Variants in KCNIP4 observed in about 807,000 individuals in gnomAD.
The protein encoded by KCNIP4 is potassium voltage-gated channel interacting protein 4, also known as Kv channel-interacting protein 4.
A neutral mutation model predicts 34.0 loss-of-function variants in KCNIP4; 12 were observed. The ratio of observed to expected loss-of-function variants is 0.35; its 90% CI spans 0.23 to 0.57. KCNIP4 has a LOEUF of 0.57. Ranked by LOEUF, KCNIP4 falls within the 20% of genes least tolerant of loss-of-function variation. The pLI is 0.83. For missense variants in KCNIP4, 238 were observed against 311.7 expected (o/e 0.76, Z 1.78); for synonymous variants, 124 against 102.2 (o/e 1.21, Z -1.29).
At chr4:21,805,706 C>A (rs1361519270) in intron 1 of KCNIP4, among the ~76,000 whole-genome samples, 1 of 152,192 alleles carries the variant, frequency 6.6e-6, no homozygotes, top group East Asian at 1.9e-4. Context: ...ATGAATTTTC[C>A]CCTCTATGGA....
intron 1 of KCNIP4, among the ~76,000 whole-genome samples, chr4:21,136,484 T>A (rs1751508788): frequency 1.3e-5 from 2 of 152,162 alleles, no homozygotes; most frequent in African/African-American, 4.8e-5. Flanking sequence ...TTTCACTGGG[T>A]TTGTAAACTA....
At chr4:20,738,441 G>A (rs1252414092) in intron 5 of KCNIP4, among the ~76,000 whole-genome samples, 1 of 152,162 alleles carries the variant, frequency 6.6e-6, no homozygotes, top group Non-Finnish European at 1.5e-5. Context: ...TGATTCATTA[G>A]GTTGAAGTGG....
At chr4:21,073,905 T>C (rs1369786195) in intron 1 of KCNIP4, among the ~76,000 whole-genome samples, 4 of 152,204 alleles carry the variant, frequency 2.6e-5, no homozygotes, top group Admixed American at 2.6e-4. Flanking sequence ...CATGTGGTTT[T>C]TGTCTTTGGT....
In KCNIP4 at chr4:21,100,137, G is replaced by A. The variant is rs976445635; in HGVS notation, c.62-217428C>T. On this transcript the variant is annotated intron_variant, in intron 1 of 8. Coordinates refer to ENST00000382152, the MANE Select transcript of KCNIP4 (RefSeq NM_025221.6). ...AAGCAGAAGAAGGGTTTTGAGAGTC[G>A]ACTCCAATTTTAAAAGTTCTATTGC... is the stretch of plus-strand genomic sequence containing the variant. Among the ~76,000 whole-genome samples, 6 of 152,140 alleles carry A rather than the reference G, an allele frequency of 3.9e-5. No individual in the cohort carries two copies. In the East Asian group the frequency reaches 1.2e-3, roughly 29 times the overall value.
At chr4:20,742,382 CT>C (rs1751339810) in intron 5 of KCNIP4, among the ~76,000 whole-genome samples, 1 of 152,112 alleles carries the variant, frequency 6.6e-6, no homozygotes, top group Non-Finnish European at 1.5e-5. Flanking sequence ...ATCATTTTGG[CT>C]TCATCCCTGG....
At chr4:21,702,168 C>T (rs935048275) in intron 1 of KCNIP4, among the ~76,000 whole-genome samples, 5 of 152,072 alleles carry the variant, frequency 3.3e-5, no homozygotes, top group Admixed American at 6.6e-5. Flanking sequence ...CTGAGAAGTC[C>T]AAGATCGAGG....
intron 1 of KCNIP4, among the ~76,000 whole-genome samples, chr4:21,359,791 TGGTCCTGA>T (rs1490432257): frequency 1.3e-5 from 2 of 152,058 alleles, no homozygotes; most frequent in Non-Finnish European, 2.9e-5. Context: ...GCAATCAAAT[TGGTCCTGA>T]GGTCAAACAT....
At chr4:21,942,701 A>ACCCAC (rs1730266772) in intron 1 of KCNIP4, among the ~76,000 whole-genome samples, 2 of 152,238 alleles carry the variant, frequency 1.3e-5, no homozygotes, top group Non-Finnish European at 2.9e-5. Context: ...CTACCATGGG[A>ACCCAC]CAACGTGATT....
intron 1 of KCNIP4, among the ~76,000 whole-genome samples, chr4:21,782,811 C>G (rs1719654417): frequency 6.6e-6 from 1 of 152,038 alleles, no homozygotes; most frequent in Non-Finnish European, 1.5e-5. Flanking sequence ...TGCAGTAGAT[C>G]CCTGCCATGA....
intron 1 of KCNIP4, among the ~76,000 whole-genome samples, chr4:21,712,594 CCTT>C (rs139316433): frequency 0.016 from 2,385 of 152,260 alleles, 65 homozygotes; most frequent in African/African-American, 0.052. Flanking sequence ...TCTTGTGTCT[CCTT>C]CTTTCTAGAT....
chr4:21,188,798 T>C (rs561961666), intron 1 of KCNIP4, among the ~76,000 whole-genome samples: 1 of 152,342 alleles, frequency 6.6e-6, no homozygotes, highest in East Asian at 1.9e-4. Flanking sequence ...AAGTATTTGT[T>C]TAAGGTCTAA....
intron 1 of KCNIP4, among the ~76,000 whole-genome samples, chr4:21,539,469 G>A (rs535414257): frequency 6.6e-6 from 1 of 152,278 alleles, no homozygotes; most frequent in South Asian, 2.1e-4. Context: ...GTAAGTTTCA[G>A]GGATTCTTTA....
At chr4:21,511,430 T>C (rs1480026513) in intron 1 of KCNIP4, among the ~76,000 whole-genome samples, 1 of 151,982 alleles carries the variant, frequency 6.6e-6, no homozygotes, top group African/African-American at 2.4e-5. Flanking sequence ...TGCTTGAAAA[T>C]AGATAAATAA....
At chr4:20,862,009 G>T (rs1722257563) in intron 2 of KCNIP4, among the ~76,000 whole-genome samples, 1 of 109,236 alleles carries the variant, frequency 9.2e-6, no homozygotes, top group African/African-American at 4.5e-5. Context: ...TATTATTATT[G>T]AGATGGAGTC....
intron 1 of KCNIP4, among the ~76,000 whole-genome samples, chr4:21,853,614 A>G (rs1245852818): frequency 1.3e-5 from 2 of 152,310 alleles, no homozygotes; most frequent in Admixed American, 6.5e-5. Context: ...GGTTCAACAC[A>G]TGAATTGGAA....
In KCNIP4 at chr4:21,516,688, C is replaced by G. The variant is rs548098235; in HGVS notation, c.61+431883G>C. ...TGGAGTTGTGTCTGGGAAGAGTTTT[C>G]GAACATGAAGTTATGCCTGGGAAGA... On this transcript the variant is annotated intron_variant, in intron 1 of 8. Coordinates refer to ENST00000382152, the MANE Select transcript of KCNIP4 (RefSeq NM_025221.6). 2.6e-5 allele frequency among the ~76,000 whole-genome samples: 4 copies of G among 151,938 alleles called. No individual in the cohort carries two copies. In the East Asian group the frequency reaches 7.7e-4, roughly 29 times the overall value.
At chr4:21,618,635 T>TC (rs1237688527) in intron 1 of KCNIP4, among the ~76,000 whole-genome samples, 33 of 137,032 alleles carry the variant, frequency 2.4e-4, no homozygotes, top group Admixed American at 5.8e-4. Flanking sequence ...TTTTTCTTTT[T>TC]TTTTTTTTTT....
chr4:21,898,918 C>T (rs1477211984), intron 1 of KCNIP4, among the ~76,000 whole-genome samples: 1 of 152,090 alleles, frequency 6.6e-6, no homozygotes, highest in African/African-American at 2.4e-5. Context: ...AAGCCCAGTG[C>T]CCTGAATGGT....
intron 1 of KCNIP4, chr4:21,544,315 A>G (rs1178612241): frequency 6.6e-6 from 1 of 152,034 alleles, no homozygotes; most frequent in African/African-American, 2.4e-5. Flanking sequence ...AAGACATTGT[A>G]TTAACTTTAT....
Sources: allele counts gnomAD v4.1 joint callset (sites outside exome capture counted in the v4.1 genomes callset), GRCh38; gene constraint gnomAD v4.1.1; transcripts MANE v1.5; gene names NCBI Gene and HGNC (gene_info 2026-07-23, HGNC 2026-07-21).